LIMA1: variants seen among roughly 807,000 people sequenced by gnomAD.
LIMA1 encodes LIM domain and actin binding 1.
A neutral mutation model predicts 62.6 loss-of-function variants in LIMA1; 52 were observed. The ratio of observed to expected loss-of-function variants is 0.83; its 90% CI spans 0.67 to 1.05. The LOEUF (loss-of-function observed/expected upper bound fraction) is 1.05, where lower values mean the gene tolerates loss of function less well. LIMA1 is among the 50% of genes least tolerant of loss of function. The pLI is 0.00. For synonymous variants in LIMA1, 302 were observed against 317.8 expected (o/e 0.95, Z 0.53); for missense variants, 780 against 902.2 (o/e 0.86, Z 1.74).
intron 9 of LIMA1, chr12:50,189,437 A>C (rs1940702664): frequency 6.6e-6 from 1 of 152,140 alleles, no homozygotes; most frequent in Non-Finnish European, 1.5e-5. Flanking sequence ...AAACCACCTT[A>C]AAACTCATTC....
intron 1 of LIMA1, among the ~76,000 whole-genome samples, chr12:50,263,834 GTATAT>G (rs1405775185): frequency 3.3e-4 from 38 of 116,268 alleles, no homozygotes; most frequent in African/African-American, 8.9e-4. Flanking sequence ...TATAGAGAGA[GTATAT>G]ATATATATAT....
intron 2 of LIMA1, among the ~76,000 whole-genome samples, chr12:50,242,390 CTG>C (rs1941791263): frequency 6.6e-6 from 1 of 151,432 alleles, no homozygotes; most frequent in African/African-American, 2.4e-5. Context: ...GGTTCTCACT[CTG>C]TCACCCAGGC....
At chr12:50,205,523 A>T (rs767545066) in intron 5 of LIMA1, among the ~76,000 whole-genome samples, 1 of 152,088 alleles carries the variant, frequency 6.6e-6, no homozygotes, top group Non-Finnish European at 1.5e-5. Context: ...CCCCTTTAAA[A>T]CATAATTCCA....
chr12:50,203,588 T>G (rs1489633506), intron 6 of LIMA1, among the ~76,000 whole-genome samples: 1 of 151,924 alleles, frequency 6.6e-6, no homozygotes, highest in East Asian at 1.9e-4. Context: ...AATTTTTGTA[T>G]TTTTAGTAGA....
At chr12:50,219,095 ATGAGTATTCCAAGGTT>A (rs976137515) in intron 4 of LIMA1, among the ~76,000 whole-genome samples, 2 of 152,168 alleles carry the variant, frequency 1.3e-5, no homozygotes, top group Non-Finnish European at 2.9e-5. Context: ...CAGTTGGGGG[ATGAGTATTCCAAGGTT>A]TGAGTATAAG....
At chr12:50,207,760 T>A (rs1941179314) in intron 4 of LIMA1, among the ~76,000 whole-genome samples, 2 of 151,682 alleles carry the variant, frequency 1.3e-5, no homozygotes, top group African/African-American at 2.4e-5. Context: ...TGTGGTGACA[T>A]GCACCTGCGG....
At chr12:50,196,881 C>T (rs1205252919) in intron 7 of LIMA1, among the ~76,000 whole-genome samples, 1 of 152,142 alleles carries the variant, frequency 6.6e-6, no homozygotes. Flanking sequence ...TGGGTGTTTA[C>T]TATGTGCCAG....
At chr12:50,268,471 G>T (rs1942166369) in intron 1 of LIMA1, among the ~76,000 whole-genome samples, 1 of 152,204 alleles carries the variant, frequency 6.6e-6, no homozygotes, top group South Asian at 2.1e-4. Flanking sequence ...TCAGGTACAA[G>T]TTTGAACCCC....
At chr12:50,210,418 C>CAAAAAAAAAAA (rs769288381) in intron 4 of LIMA1, among the ~76,000 whole-genome samples, 2 of 90,826 alleles carry the variant, frequency 2.2e-5, no homozygotes, top group African/African-American at 7.8e-5. Context: ...ACCCCATTTC[C>CAAAAAAAAAAA]AAAAAAAAAA....
chr12:50,215,256 G>C (rs1941323188), intron 4 of LIMA1, among the ~76,000 whole-genome samples: 1 of 152,076 alleles, frequency 6.6e-6, no homozygotes, highest in African/African-American at 2.4e-5. Context: ...CAAAGATGTT[G>C]GAACAAGTGA....
chr12:50,216,556 A>G (rs536893206), intron 4 of LIMA1, among the ~76,000 whole-genome samples: 2 of 152,090 alleles, frequency 1.3e-5, no homozygotes, highest in Non-Finnish European at 2.9e-5. Flanking sequence ...ATTAATCCAT[A>G]TACCACTCAT....
At position 50,176,765 on chromosome 12, in the gene LIMA1, C is replaced by A; in HGVS notation, c.*299G>T. The A allele has an allele frequency of 3.7e-6, 1 of 272,706 alleles. No homozygotes were observed. The highest frequency in any genetic ancestry group is 7.0e-5 in the East Asian group (1 of 14,318). The allele number at this position is 272,706 out of a possible 1,614,324, so 16.9% of individuals were successfully genotyped here. A position where few individuals can be genotyped will look rare whatever the true frequency, so the allele number is the denominator to read the frequency against. ...ACCTTAATATTGCCTTTTGGGAATA[C>A]AGTAGAATCTGGGCTATTATCAGGT... On this transcript the variant is annotated 3_prime_UTR_variant, in exon 11 of 11. Coordinates refer to ENST00000341247, the MANE Select transcript of LIMA1 (RefSeq NM_016357.5).
chr12:50,263,826 TAG>T (rs140497543), intron 1 of LIMA1, among the ~76,000 whole-genome samples: 3 of 121,980 alleles, frequency 2.5e-5, no homozygotes, highest in Admixed American at 9.4e-5. Flanking sequence ...TATATATATA[TAG>T]AGAGAGTATA....
At chr12:50,217,378 GC>G (rs1335251008) in intron 4 of LIMA1, among the ~76,000 whole-genome samples, 13 of 151,984 alleles carry the variant, frequency 8.6e-5, no homozygotes. Flanking sequence ...TTCCAAATCA[GC>G]CCATCATAGA....
chr12:50,222,081 A>G lies in LIMA1; in HGVS notation c.570T>C (p.Tyr190=), dbSNP rs1592532380. ...TCTTAAGCCTGTTCAGCGGAACATT[A>G]TATTTCTCTATTTTGCCCGAAGCAT... is the stretch of plus-strand genomic sequence containing the variant. The part of the protein sequence containing the change: ...NTDASGKIEK[Y]NVPLNRLKMM... Residue 190 remains tyrosine (Y), a synonymous_variant, in exon 4 of 11, where the codon TAT becomes TAC. Transcript: ENST00000341247. 2.5e-6 allele frequency: 4 copies of G among 1,614,168 alleles called. No homozygotes were observed. The highest frequency in any genetic ancestry group is 3.3e-5 in the Admixed American group (2 of 60,012).
chr12:50,193,583 ATG>A (rs1491398821), intron 8 of LIMA1, among the ~76,000 whole-genome samples: 1 of 122,716 alleles, frequency 8.1e-6, no homozygotes, highest in East Asian at 2.2e-4. Context: ...ATATATATAC[ATG>A]TATATATGAT....
intron 2 of LIMA1, chr12:50,234,165 T>C (rs775644534): frequency 1.1e-5 from 5 of 454,880 alleles, no homozygotes; most frequent in Non-Finnish European, 2.2e-5. Context: ...GTCCGGAGAT[T>C]TGTGCAGGTA....
chr12:50,273,243 C>T (rs938433648), intron 1 of LIMA1, among the ~76,000 whole-genome samples: 8 of 151,944 alleles, frequency 5.3e-5, no homozygotes, highest in Non-Finnish European at 1.0e-4. Context: ...GCGTGAGCCA[C>T]CACACCTGGC....
intron 1 of LIMA1, among the ~76,000 whole-genome samples, chr12:50,278,085 G>A (rs1187381888): frequency 6.6e-6 from 1 of 151,728 alleles, no homozygotes; most frequent in African/African-American, 2.4e-5. Flanking sequence ...AGGTCAGCCT[G>A]ATCAACAGGG....
Sources: allele counts gnomAD v4.1 joint callset (sites outside exome capture counted in the v4.1 genomes callset), GRCh38; gene constraint gnomAD v4.1.1; transcripts MANE v1.5; gene names NCBI Gene and HGNC (gene_info 2026-07-23, HGNC 2026-07-21).